The following CCDC92 variants were observed in gnomAD, a reference collection of about 807,000 sequenced individuals.
CCDC92 encodes the protein coiled-coil domain-containing protein 92.
Under a neutral mutation model 24.9 loss-of-function variants are expected in CCDC92, and 12 were observed. That is an observed-to-expected ratio of 0.48 (90% confidence interval 0.31 to 0.78). The LOEUF is 0.78. Ranked by LOEUF, CCDC92 falls within the 30% of genes least tolerant of loss-of-function variation. The pLI, the probability that CCDC92 is intolerant of heterozygous loss-of-function variation, is 0.05. For synonymous variants in CCDC92, 193 were observed against 196.3 expected, an observed-to-expected ratio of 0.98 and a Z score of 0.14; for missense variants, 399 against 439.4, an observed-to-expected ratio of 0.91 and a Z score of 0.82.
intron 1 of CCDC92, among the ~76,000 whole-genome samples, chr12:123,959,771 T>C (rs1193162134): frequency 6.7e-6 from 1 of 148,168 alleles, no homozygotes; most frequent in Admixed American, 6.7e-5. Context: ...CTCATGTGTC[T>C]GAGAAATTTT....
intron 1 of CCDC92, chr12:123,961,269 G>T (rs1956266267): frequency 6.6e-6 from 1 of 152,146 alleles, no homozygotes; most frequent in Non-Finnish European, 1.5e-5. Flanking sequence ...AGCATTCCTG[G>T]TACCTATCTG....
Position 123,937,585 on chromosome 12 carries a change from A to G in CCDC92, c.469T>C (p.Tyr157His), listed in dbSNP as rs1397908454. ...GCGGCGTGCAGCTGGGAGGTCAGGTAGGCGATGGTGCTGGCCCGCTGCTCC... is the reference window on the plus strand; with the variant it reads ...GCGGCGTGCAGCTGGGAGGTCAGGTGGGCGATGGTGCTGGCCCGCTGCTCC... ...ELEQRASTIA[Y>H]LTSQLHAAKK... Residue 157 changes from tyrosine (Y) to histidine (H), a missense_variant, in exon 5 of 5, where the codon TAC becomes CAC. Physicochemically the swap from Tyr to His is moderately conservative, Grantham distance 83. Transcript: ENST00000238156. This position sits in a 1 kb window ranked among gnomAD's most constrained non-coding sequence, Gnocchi z 8.4. 1.2e-6 allele frequency: 2 copies of G among 1,613,234 alleles called. No individual in the cohort carries two copies. Among genetic ancestry groups the G allele is most frequent in the African/African-American group, 1.3e-5 (1 of 74,880 alleles).
rs760478976 is a variant in CCDC92 at position 123,937,294 on chromosome 12, C to T, written c.760G>A (p.Glu254Lys). The T allele has an allele frequency of 1.7e-5, 27 of 1,612,896 alleles. No homozygotes were observed. The highest frequency in any genetic ancestry group is 2.2e-5 in the Non-Finnish European group (26 of 1,180,002). ...TPFLLARESA[E>K]VHLIKERPLV... ...GGCCTCTCTTTGATGAGGTGGACCTCGGCGGACTCCCTAGCCAGCAGAAAT... is the reference window on the plus strand; with the variant it reads ...GGCCTCTCTTTGATGAGGTGGACCTTGGCGGACTCCCTAGCCAGCAGAAAT... The change falls in exon 5 of 5, where the codon GAG becomes AAG. Residue 254 changes from glutamate to lysine, a missense_variant. By Grantham distance (56) the Glu-to-Lys change is moderately conservative. Coordinates refer to ENST00000238156, the MANE Select transcript of CCDC92 (RefSeq NM_025140.3). This position sits in a 1 kb window ranked among gnomAD's most constrained non-coding sequence, Gnocchi z 8.4.
At chr12:123,967,559 G>T (rs1364893657) in intron 1 of CCDC92, among the ~76,000 whole-genome samples, 2 of 152,162 alleles carry the variant, frequency 1.3e-5, no homozygotes, top group African/African-American at 2.4e-5. Flanking sequence ...AATGTTTAAG[G>T]TATGGCACGA....
chr12:123,967,727 G>A (rs963538042), intron 1 of CCDC92, among the ~76,000 whole-genome samples: 1 of 152,124 alleles, frequency 6.6e-6, no homozygotes, highest in Non-Finnish European at 1.5e-5. Context: ...ATGATGCCAC[G>A]GATTTCTAGG....
chr12:123,943,665 G>T, intron 2 of CCDC92, 172 bp from the exon 3 acceptor site: 1 of 709,162 alleles, frequency 1.4e-6, no homozygotes. Context: ...CATCACTGCA[G>T]GGAGGCCCCA....
chr12:123,955,124 T>C (rs1204183842), intron 1 of CCDC92, among the ~76,000 whole-genome samples: 1 of 152,246 alleles, frequency 6.6e-6, no homozygotes, highest in Non-Finnish European at 1.5e-5. Context: ...GAGCTAGAGC[T>C]AGTATCATTT....
At chr12:123,963,887 G>C (rs562490110) in intron 1 of CCDC92, among the ~76,000 whole-genome samples, 1 of 152,148 alleles carries the variant, frequency 6.6e-6, no homozygotes, top group Admixed American at 6.5e-5. Context: ...TGTTTTTAAG[G>C]ACTTCACTAA....
chr12:123,956,573 T>C (rs983899086), intron 1 of CCDC92: 1 of 152,234 alleles, frequency 6.6e-6, no homozygotes, highest in Non-Finnish European at 1.5e-5. Context: ...ATGTTTCAGC[T>C]CTCTGGGAAA....
In CCDC92 at chr12:123,942,302, C is replaced by T. The variant is rs200760297; in HGVS notation, c.223+442G>A. Reference sequence around the variant, plus strand: ...AGCTGTCTAGTAATGTGACCACTCGCCCGCCAGCATTTAGCAAGCTGCTGC... The same window carrying T: ...AGCTGTCTAGTAATGTGACCACTCGTCCGCCAGCATTTAGCAAGCTGCTGC... On this transcript the variant is annotated intron_variant, in intron 4 of 4. Coordinates refer to ENST00000238156, the MANE Select transcript of CCDC92 (RefSeq NM_025140.3). 5.9e-5 allele frequency among the ~76,000 whole-genome samples: 9 copies of T among 152,320 alleles called. No homozygotes were observed. In the East Asian group the frequency reaches 1.7e-3, roughly 29 times the overall value.
intron 2 of CCDC92, 84 bp downstream of exon 2, chr12:123,944,188 G>T (rs1371728600): frequency 1.2e-6 from 1 of 850,002 alleles, no homozygotes; most frequent in Non-Finnish European, 2.0e-6. Context: ...GGTGGTGCAG[G>T]TGTCTGGAGT....
Position 123,944,173 on chromosome 12 carries a change from CA to C in CCDC92, c.34+98del, listed in dbSNP as rs772562674. 482 of 791,886 alleles carry C rather than the reference CA, an allele frequency of 6.1e-4. 3 individuals are homozygous for C. Among genetic ancestry groups the C allele is most frequent in the Non-Finnish European group, 1.6e-4 (73 of 443,380 alleles). The allele number at this position is 791,886 out of a possible 1,614,324, so 49.1% of individuals were successfully genotyped here. A position where few individuals can be genotyped will look rare whatever the true frequency, so the allele number is the denominator to read the frequency against. On this transcript the variant is annotated intron_variant, in intron 2 of 4. Coordinates refer to ENST00000238156, the MANE Select transcript of CCDC92 (RefSeq NM_025140.3). Reference sequence around the variant, plus strand: ...GGTCTGAGAACGTATCTCATGGGGCCAGGGGGTGGTGCAGGTGTCTGGAGTC... The same window carrying C: ...GGTCTGAGAACGTATCTCATGGGGCCGGGGGTGGTGCAGGTGTCTGGAGTC...
intron 1 of CCDC92, among the ~76,000 whole-genome samples, chr12:123,948,619 G>C (rs924636717): frequency 2.0e-5 from 3 of 152,222 alleles, no homozygotes; most frequent in Admixed American, 2.0e-4. Context: ...TTCACTGACT[G>C]TCGCTCTCCC....
intron 1 of CCDC92, among the ~76,000 whole-genome samples, chr12:123,965,055 T>C (rs962528713): frequency 5.9e-5 from 9 of 152,254 alleles, no homozygotes; most frequent in Admixed American, 5.2e-4. Context: ...GGTCTTTTTT[T>C]GAATACTGGG....
chr12:123,944,141 T>C (rs1018624855), intron 2 of CCDC92, 131 bp downstream of exon 2: 5 of 687,684 alleles, frequency 7.3e-6, no homozygotes, highest in Non-Finnish European at 1.3e-5. Flanking sequence ...CAGATCCTTC[T>C]TGGGAAGGTC....
intron 1 of CCDC92, among the ~76,000 whole-genome samples, chr12:123,950,048 C>T (rs181977559): frequency 1.9e-4 from 29 of 152,290 alleles, no homozygotes; most frequent in African/African-American, 6.7e-4. Context: ...TCTTGCAACC[C>T]GCCTCTGGGG....
intron 1 of CCDC92, chr12:123,970,165 AAAAAC>A (rs1229188009): frequency 8.5e-5 from 13 of 152,232 alleles, no homozygotes; most frequent in African/African-American, 3.1e-4. Flanking sequence ...TAAGAAAACA[AAAAAC>A]AAAAGCCACA....
intron 1 of CCDC92, among the ~76,000 whole-genome samples, chr12:123,963,707 C>T (rs1185559045): frequency 6.6e-6 from 1 of 152,156 alleles, no homozygotes; most frequent in Non-Finnish European, 1.5e-5. Context: ...GCAATAGGGA[C>T]TCCAGTGTTA....
chr12:123,942,096 C>A (rs1373430408), intron 4 of CCDC92, among the ~76,000 whole-genome samples: 1 of 152,210 alleles, frequency 6.6e-6, no homozygotes. Flanking sequence ...AAACACCCAC[C>A]CTGTTTTAGG....
Sources: gnomAD v4.1 joint callset for allele counts (sites outside exome capture counted in the v4.1 genomes callset) on GRCh38, gnomAD v4.1.1 for gene constraint, Gnocchi (gnomAD v3.1) non-coding constraint, MANE v1.5 for transcripts, NCBI Gene and HGNC (gene_info 2026-07-23, HGNC 2026-07-21) for gene names.